Variants in TMTC4 observed in about 807,000 individuals in gnomAD.
TMTC4 encodes the protein protein O-mannosyl-transferase TMTC4.
A neutral mutation model predicts 86.0 loss-of-function variants in TMTC4; 65 were observed. That is an observed-to-expected ratio of 0.76 (90% CI 0.62 to 0.93). The LOEUF (loss-of-function observed/expected upper bound fraction) is 0.93, where lower values mean the gene tolerates loss of function less well. Ranked by LOEUF, TMTC4 falls within the 40% of genes least tolerant of loss-of-function variation. TMTC4 has a pLI of 0.00. For synonymous variants in TMTC4, 379 were observed against 382.5 expected (o/e 0.99, Z 0.11); for missense variants, 866 against 948.1 (o/e 0.91, Z 1.14).
chr13:100,618,634 C>G (rs916104680), intron 15 of TMTC4, among the ~76,000 whole-genome samples: 18 of 151,862 alleles, frequency 1.2e-4, no homozygotes, highest in Admixed American at 3.3e-4. Context: ...GAGGACCCTG[C>G]GGCCTTCCGC....
chr13:100,652,893 C>A (rs1884631927), intron 6 of TMTC4, among the ~76,000 whole-genome samples: 1 of 152,198 alleles, frequency 6.6e-6, no homozygotes, highest in South Asian at 2.1e-4. Flanking sequence ...ATCCCCAGCA[C>A]CGGAAACCTG....
rs1380556488 is a variant in TMTC4, at chr13:100,624,225, C to A, written c.1836+1310G>T. On this transcript the variant is annotated intron_variant, in intron 15 of 18. Coordinates refer to ENST00000342624, the MANE Select transcript of TMTC4 (RefSeq NM_032813.5). ...CCTATAGTCCCAGCTACTCCGGAGG[C>A]TGAGGCAGAAGAACGGCGTGAACCC... 2.0e-5 allele frequency among the ~76,000 whole-genome samples: 3 copies of A among 151,874 alleles called. 1 individual carries two copies. Among genetic ancestry groups the A allele is most frequent in the African/African-American group, 7.3e-5 (3 of 41,324 alleles).
chr13:100,671,443 C>T (rs542160789), intron 1 of TMTC4, among the ~76,000 whole-genome samples: 4 of 152,096 alleles, frequency 2.6e-5, no homozygotes, highest in East Asian at 1.9e-4. Flanking sequence ...AGAACATAAA[C>T]GTGTTCTAAG....
Position 100,668,749 on chromosome 13 carries a change from C to T in TMTC4, c.49G>A (p.Val17Ile), listed in dbSNP as rs369936843. The T allele has an allele frequency of 6.2e-7, 1 of 1,614,216 alleles. No homozygotes were observed. Among genetic ancestry groups the T allele is most frequent in the Non-Finnish European group, 8.5e-7 (1 of 1,180,042 alleles). ...GTGTCCAACACGGCCATTCTGAAAA[C>T]TGCAGGTTGGTGGCTCCCGGCTCCA... ...NAGAGSHQPA[V>I]FRMAVLDTDL... Residue 17 changes from valine (V) to isoleucine (I), a missense_variant, in exon 3 of 19, where the codon GTT (valine) becomes ATT (isoleucine). By Grantham distance (29) the Val-to-Ile change is conservative. Transcript: ENST00000342624.
Position 100,636,582 on chromosome 13 carries a change from T to C in TMTC4, c.1152A>G (p.Leu384=), listed in dbSNP as rs751535234. ...VIALAALWFC[L]IGLICQALCS... is the part of the protein sequence containing the mutation. Reference sequence around the variant, plus strand: ...ACAGGGCTTGGCATATCAGGCCAATTAGGCAGAACCAGAGTGCTGCAAGTG... The same window carrying C: ...ACAGGGCTTGGCATATCAGGCCAATCAGGCAGAACCAGAGTGCTGCAAGTG... The change falls in exon 10 of 19, where the codon CTA becomes CTG. Residue 384 remains leucine (L), a synonymous_variant. Transcript: ENST00000342624. 6.8e-6 allele frequency: 11 copies of C among 1,614,104 alleles called. No homozygotes were observed. In the South Asian group the frequency reaches 7.7e-5, roughly 11 times the overall value.
chr13:100,620,006 T>C (rs1266804711), intron 15 of TMTC4, among the ~76,000 whole-genome samples: 2 of 152,238 alleles, frequency 1.3e-5, no homozygotes, highest in Non-Finnish European at 2.9e-5. Flanking sequence ...TCAGATAAAA[T>C]TTAGTTTCAT....
chr13:100,626,029 G>T, intron 13 of TMTC4, 42 bp downstream of exon 13: 1 of 1,610,222 alleles, frequency 6.2e-7, no homozygotes, highest in South Asian at 1.1e-5. Context: ...AAGTGAAAAC[G>T]ATCTGTGTAC....
At chr13:100,660,615 A>G (rs949710837) in intron 5 of TMTC4, among the ~76,000 whole-genome samples, 39 of 149,260 alleles carry the variant, frequency 2.6e-4, no homozygotes, top group Non-Finnish European at 4.3e-4. Flanking sequence ...CCTGCCACCC[A>G]TTTCCTTGGG....
At position 100,620,773 on chromosome 13, in the gene TMTC4, G is replaced by A. The variant is rs1324534794; in HGVS notation, c.1836+4762C>T. Among the ~76,000 whole-genome samples, 3 of 152,064 alleles carry A rather than the reference G, an allele frequency of 2.0e-5. No homozygotes were observed. In the East Asian group the frequency reaches 5.8e-4, roughly 29 times the overall value. On this transcript the variant is annotated intron_variant, in intron 15 of 18. Transcript: ENST00000342624. ...AACTGCCTTATATTCTCTCCATATT[G>A]GGGTCTAGAAATCAAAACAAATCGC...
intron 3 of TMTC4, 23 bp from the exon 4 acceptor site, chr13:100,664,359 T>C (rs1484435902): frequency 6.4e-7 from 1 of 1,574,082 alleles, no homozygotes. Flanking sequence ...AAAGGGGATG[T>C]TCTGGACAAG....
intron 12 of TMTC4, among the ~76,000 whole-genome samples, chr13:100,632,976 C>T (rs1206009079): frequency 1.3e-5 from 2 of 152,250 alleles, no homozygotes; most frequent in East Asian, 3.9e-4. Context: ...ATAGCGTTCT[C>T]TTCCCAACAT....
Position 100,605,540 on chromosome 13 carries a change from A to C in TMTC4, c.2135-398T>G, listed in dbSNP as rs532027094. 6.6e-6 allele frequency among the ~76,000 whole-genome samples: 1 copy of C among 152,272 alleles called. No individual in the cohort carries two copies. Among genetic ancestry groups the C allele is most frequent in the African/African-American group, 2.4e-5 (1 of 41,554 alleles). On this transcript the variant is annotated intron_variant, in intron 18 of 18. Transcript: ENST00000342624. This position sits in a 1 kb window ranked among gnomAD's most constrained non-coding sequence, Gnocchi z 4.3. ...TGACTATGCAGAAGTTCAGCTGTTT[A>C]TTTTAAATATTTCCTTACACCATTT... is the stretch of plus-strand genomic sequence containing the variant.
Position 100,635,033 on chromosome 13 carries a change from G to T in TMTC4, c.1365C>A (p.Thr455=), listed in dbSNP as rs757662415. 6.2e-7 allele frequency: 1 copy of T among 1,610,306 alleles called. No homozygotes were observed. Among genetic ancestry groups the T allele is most frequent in the Admixed American group, 1.7e-5 (1 of 59,366 alleles). The change falls in exon 11 of 19, where the codon ACC becomes ACA. Residue 455 remains threonine (T), a synonymous_variant. Transcript: ENST00000342624. Reference sequence around the variant, plus strand: ...CACTCTCAGTTGATACCTTTTTCTTGGTATGTTTGCTCAGGGCTCCGAATC... The same window carrying T: ...CACTCTCAGTTGATACCTTTTTCTTTGTATGTTTGCTCAGGGCTCCGAATC... The part of the protein sequence containing the change: ...TFGFGALSKH[T]KKKKLIAAVV...
At chr13:100,672,115 G>A (rs1376887517) in intron 1 of TMTC4, among the ~76,000 whole-genome samples, 2 of 152,172 alleles carry the variant, frequency 1.3e-5, no homozygotes, top group African/African-American at 2.4e-5. Flanking sequence ...CAAACAACTA[G>A]TTCTCATTAT....
intron 6 of TMTC4, among the ~76,000 whole-genome samples, chr13:100,652,239 G>A (rs1313664458): frequency 6.6e-6 from 1 of 152,186 alleles, no homozygotes; most frequent in Non-Finnish European, 1.5e-5. Context: ...AGCACTTTGG[G>A]AGGCCGAGGT....
rs530197939 is a variant in TMTC4, at chr13:100,618,262, C to T, written c.1837-3832G>A. Among the ~76,000 whole-genome samples, 15 of 152,138 alleles carry T rather than the reference C, an allele frequency of 9.9e-5. No homozygotes were observed. In the East Asian group the frequency reaches 1.5e-3, roughly 16 times the overall value. On this transcript the variant is annotated intron_variant, in intron 15 of 18. Coordinates refer to ENST00000342624, the MANE Select transcript of TMTC4 (RefSeq NM_032813.5). ...AAAGTCTGCAGGGTTTTCTAGGTGT[C>T]GAATCACACCGTCCATGAAGAGAGA...
At chr13:100,662,942 G>A (rs1373252698) in intron 5 of TMTC4, 22 bp downstream of exon 5, 6 of 1,612,252 alleles carry the variant, frequency 3.7e-6, no homozygotes, top group Non-Finnish European at 5.1e-6. Flanking sequence ...GCATACAGAT[G>A]CCTCGGGCAG....
intron 17 of TMTC4, among the ~76,000 whole-genome samples, chr13:100,609,389 G>T (rs1452402566): frequency 6.6e-6 from 1 of 151,942 alleles, no homozygotes; most frequent in Non-Finnish European, 1.5e-5. Context: ...ACCTAGATGT[G>T]GCAAAAAAAT....
rs1043266839 is a variant in TMTC4 at position 100,604,915 on chromosome 13, G to A, written c.*79C>T. On this transcript the variant is annotated 3_prime_UTR_variant, in exon 19 of 19. Transcript: ENST00000342624. ...AATAACATGTCTAAGACTTTTAAAT[G>A]GTTAAATGTAACCACATACTATTAA... The A allele has an allele frequency of 1.6e-5, 24 of 1,464,010 alleles. No individual in the cohort carries two copies. Among genetic ancestry groups the A allele is most frequent in the Non-Finnish European group, 2.2e-5 (24 of 1,100,336 alleles). The allele number at this position is 1,464,010 out of a possible 1,614,324, so 90.7% of individuals were successfully genotyped here. A position where few individuals can be genotyped will look rare whatever the true frequency, so the allele number is the denominator to read the frequency against.
Sources: gnomAD v4.1 joint callset for allele counts (sites outside exome capture counted in the v4.1 genomes callset) on GRCh38, gnomAD v4.1.1 for gene constraint, Gnocchi (gnomAD v3.1) non-coding constraint, MANE v1.5 for transcripts, NCBI Gene and HGNC (gene_info 2026-07-23, HGNC 2026-07-21) for gene names.